The following VPS13A variants were observed in gnomAD, a reference collection of about 807,000 sequenced individuals.
VPS13A encodes vacuolar protein sorting 13 homolog A.
VPS13A carries 264 observed loss-of-function variants against 390.9 expected under a neutral mutation model. That is an observed-to-expected ratio of 0.68 (90% confidence interval 0.61 to 0.75). The LOEUF (loss-of-function observed/expected upper bound fraction) is 0.75. Ranked by LOEUF, VPS13A falls within the 30% of genes least tolerant of loss-of-function variation. The pLI is 0.00. For missense variants in VPS13A, 3,409 were observed against 3,733.9 expected, an observed-to-expected ratio of 0.91 and a Z score of 2.27; for synonymous variants, 1,231 against 1,227.1, an observed-to-expected ratio of 1.00 and a Z score of -0.07.
At chr9:77,313,363 T>C (rs1829205455) in intron 35 of VPS13A, among the ~76,000 whole-genome samples, 1 of 152,186 alleles carries the variant, frequency 6.6e-6, no homozygotes, top group Admixed American at 6.5e-5. Context: ...TTATCAAATT[T>C]CATCAAATAG....
intron 26 of VPS13A, chr9:77,279,844 T>C (rs1340499623): frequency 5.0e-6 from 1 of 200,180 alleles, no homozygotes; most frequent in African/African-American, 2.4e-5. Context: ...TCCTGCCCTT[T>C]CATTGTTCCT....
chr9:77,319,007 C>T (rs539203048), intron 41 of VPS13A, among the ~76,000 whole-genome samples: 1 of 151,978 alleles, frequency 6.6e-6, no homozygotes, highest in South Asian at 2.1e-4. Flanking sequence ...GCCTGGGCAA[C>T]ATGGTGAAAC....
intron 20 of VPS13A, among the ~76,000 whole-genome samples, chr9:77,249,272 C>T (rs184170589): frequency 6.6e-6 from 1 of 152,248 alleles, no homozygotes; most frequent in African/African-American, 2.4e-5. Flanking sequence ...TAAACGCCCA[C>T]TGGGTATATA....
chr9:77,240,853 A>G lies in VPS13A; in HGVS notation c.1900+2467A>G, dbSNP rs567710006. 2.6e-4 allele frequency among the ~76,000 whole-genome samples: 39 copies of G among 152,098 alleles called. 1 individual carries two copies. In the South Asian group the frequency reaches 8.1e-3, roughly 32 times the overall value. ...TTCTCCTTAACACATTGAAGAGGGCATTCTGTCTTTAGGTTTTCATTACTG... is the reference window on the plus strand; with the variant it reads ...TTCTCCTTAACACATTGAAGAGGGCGTTCTGTCTTTAGGTTTTCATTACTG... On this transcript the variant is annotated intron_variant, in intron 19 of 71. Transcript: ENST00000360280.
intron 71 of VPS13A, among the ~76,000 whole-genome samples, chr9:77,411,660 C>CAAAAA (rs1169254413): frequency 0.014 from 461 of 33,888 alleles, 48 homozygotes; most frequent in African/African-American, 0.036. Context: ...AACTCCATCT[C>CAAAAA]AAAAAAAAAA....
intron 51 of VPS13A, 84 bp downstream of exon 51, chr9:77,344,365 T>C: frequency 7.0e-7 from 1 of 1,424,242 alleles, no homozygotes; most frequent in Non-Finnish European, 9.7e-7. Context: ...TTGTATCAAA[T>C]AATTACTTCT....
In VPS13A at chr9:77,344,160, C is replaced by T. The variant is rs754295317; in HGVS notation, c.7034C>T (p.Pro2345Leu). 2 of 1,596,228 alleles carry T rather than the reference C, an allele frequency of 1.3e-6. No homozygotes were observed. Among genetic ancestry groups the T allele is most frequent in the Admixed American group, 1.7e-5 (1 of 59,920 alleles). ...WLSLDLEQCI[P>L]FWPEYASSKL... is the part of the protein sequence containing the mutation. ...ATATAATGTATATTTTAGTGTATCC[C>T]CTTTTGGCCTGAGTATGCTTCTAGT... Residue 2345 changes from proline (P) to leucine (L), a missense_variant, in exon 51 of 72, where the codon CCC becomes CTC. Pro to Leu is a moderately conservative substitution (Grantham distance 98). This residue lies in a region of VPS13A where 2,717 missense variants were observed against 2,917.4 expected (regional missense o/e 0.93). Coordinates refer to ENST00000360280, the MANE Select transcript of VPS13A (RefSeq NM_033305.3).
intron 54 of VPS13A, 48 bp from the exon 55 acceptor site, chr9:77,356,666 G>C (rs1037037526): frequency 2.6e-6 from 4 of 1,540,664 alleles, no homozygotes; most frequent in Non-Finnish European, 8.8e-7. Context: ...TAAAATAAAT[G>C]TTAATAACTT....
chr9:77,189,240 T>C (rs1325287665), intron 1 of VPS13A, among the ~76,000 whole-genome samples: 1 of 152,014 alleles, frequency 6.6e-6, no homozygotes, highest in African/African-American at 2.4e-5. Context: ...TTTTATAGTT[T>C]TAGGTTTTAC....
In VPS13A at chr9:77,198,733, G is replaced by A. The variant is rs373856496; in HGVS notation, c.101-1212G>A. 1.3e-4 allele frequency among the ~76,000 whole-genome samples: 19 copies of A among 151,778 alleles called. No homozygotes were observed. In the South Asian group the frequency reaches 2.7e-3, roughly 22 times the overall value. ...GGCTGGAGTGCAGTGGCGTGATGTC[G>A]GCTCACTGCAACCTCCGCCTCCTGG... On this transcript the variant is annotated intron_variant, in intron 1 of 71. Coordinates refer to ENST00000360280, the MANE Select transcript of VPS13A (RefSeq NM_033305.3).
At chr9:77,395,796 T>C (rs976197158) in intron 68 of VPS13A, 2 of 152,148 alleles carry the variant, frequency 1.3e-5, no homozygotes, top group Non-Finnish European at 2.9e-5. Flanking sequence ...TCTATTCTAT[T>C]TAAGAGTAGA....
At chr9:77,177,865 G>A (rs1002327522) in intron 1 of VPS13A, 61 bp downstream of exon 1, 11 of 1,490,836 alleles carry the variant, frequency 7.4e-6, no homozygotes, top group Non-Finnish European at 9.2e-6. Flanking sequence ...CTCGCTGCCC[G>A]AGCGGCGTCC....
At chr9:77,352,985 T>G (rs138513949) in intron 53 of VPS13A, among the ~76,000 whole-genome samples, 6 of 152,048 alleles carry the variant, frequency 3.9e-5, no homozygotes, top group Admixed American at 1.3e-4. Context: ...GAACATACAA[T>G]TGAGATACAA....
chr9:77,207,229 A>ACG (rs765291739), intron 5 of VPS13A, among the ~76,000 whole-genome samples: 1 of 98,748 alleles, frequency 1.0e-5, no homozygotes, highest in East Asian at 3.6e-4. Context: ...ATATATATAT[A>ACG]TATATATATA....
chr9:77,341,384 CTCTT>C (rs1039135176), intron 50 of VPS13A, among the ~76,000 whole-genome samples: 4 of 152,234 alleles, frequency 2.6e-5, no homozygotes, highest in African/African-American at 9.6e-5. Flanking sequence ...CTTCAGTCTT[CTCTT>C]TGTCTTTGAT....
Position 77,181,533 on chromosome 9 carries a change from A to AG in VPS13A, c.100+3729_100+3730insG, listed in dbSNP as rs1395422518. 2.1e-3 allele frequency among the ~76,000 whole-genome samples: 313 copies of AG among 151,620 alleles called. 1 individual carries two copies. Among genetic ancestry groups the AG allele is most frequent in the Admixed American group, 5.1e-3 (77 of 15,186 alleles). On this transcript the variant is annotated intron_variant, in intron 1 of 71. Coordinates refer to ENST00000360280, the MANE Select transcript of VPS13A (RefSeq NM_033305.3). ...CCTGCCTCAAAAAAAAAAAAAAAAA[A>AG]AAAGAAACTGGATGCTGCATAGGAA... is the stretch of plus-strand genomic sequence containing the variant.
At chr9:77,268,210 T>G (rs1381508305) in intron 23 of VPS13A, among the ~76,000 whole-genome samples, 1 of 152,228 alleles carries the variant, frequency 6.6e-6, no homozygotes, top group Non-Finnish European at 1.5e-5. Flanking sequence ...GAAAGCTCCT[T>G]CAGCTAGCTT....
chr9:77,260,310 G>T, intron 23 of VPS13A, 86 bp downstream of exon 23: 1 of 1,157,990 alleles, frequency 8.6e-7, no homozygotes, highest in Non-Finnish European at 1.2e-6. Flanking sequence ...TTTTATATAA[G>T]ACAATTTGCA....
chr9:77,313,595 A>T (rs1829217298), intron 35 of VPS13A, among the ~76,000 whole-genome samples: 2 of 152,212 alleles, frequency 1.3e-5, no homozygotes, highest in South Asian at 4.1e-4. Flanking sequence ...GAAAAATTTT[A>T]AAAATGTCTC....
Sources: allele counts gnomAD v4.1 joint callset (sites outside exome capture counted in the v4.1 genomes callset), GRCh38; gene constraint gnomAD v4.1.1; regional missense constraint gnomAD v4.1.1; transcripts MANE v1.5; gene names NCBI Gene and HGNC (gene_info 2026-07-23, HGNC 2026-07-21).